The following CHEK1 variants were observed in gnomAD, a reference collection of about 807,000 sequenced individuals.
The protein encoded by CHEK1 is serine/threonine-protein kinase Chk1.
CHEK1 carries 32 observed loss-of-function variants against 60.2 expected under a neutral mutation model. The observed-to-expected ratio is 0.53, with a 90% CI of 0.40 to 0.71. CHEK1 has a LOEUF of 0.71. CHEK1 is among the 30% of genes least tolerant of loss of function. The pLI is 0.00. For synonymous variants in CHEK1, 179 were observed against 187.2 expected (o/e 0.96, Z 0.36); for missense variants, 399 against 564.6 (o/e 0.71, Z 2.97).
downstream of CHEK1, chr11:125,678,055 C>T (rs142757188): frequency 2.0e-4 from 327 of 1,614,154 alleles, no homozygotes; most frequent in African/African-American, 3.8e-3. Flanking sequence ...TCAGTCGCAG[C>T]GGGCTCACCT....
Position 125,629,446 on chromosome 11 carries a change from T to C in CHEK1, c.410T>C (p.Leu137Pro), listed in dbSNP as rs752519129. Residue 137 changes from leucine (L) to proline (P), a missense_variant, in exon 5 of 13, where the codon CTG (leucine) becomes CCG (proline). Coordinates refer to ENST00000438015, the MANE Select transcript of CHEK1 (RefSeq NM_001114122.3). Reference protein sequence around the residue: ...THRDIKPENLLLDERDNLKIS... With the variant: ...THRDIKPENLPLDERDNLKIS... ...AGGGATATTAAACCAGAAAATCTTC[T>C]GTTGGATGAAAGGGGTAAGTTTAGC... is the stretch of plus-strand genomic sequence containing the variant. 3 of 1,612,374 alleles carry C rather than the reference T, an allele frequency of 1.9e-6. No homozygotes were observed. Among genetic ancestry groups the C allele is most frequent in the East Asian group, 4.5e-5 (2 of 44,848 alleles).
At position 125,664,238 on chromosome 11, in the gene CHEK1, T is replaced by G. The variant is rs1360338169; in HGVS notation, c.*27+8891T>G. Among the ~76,000 whole-genome samples the G allele has an allele frequency of 2.0e-5, 3 of 150,738 alleles. 1 individual carries two copies. The highest frequency in any genetic ancestry group is 4.4e-5 in the Non-Finnish European group (3 of 67,646). ...TGATTAGCCATGTTGAACTATTTTTTTTTTTTTTTTTTGGAGACAGAGTCT... is the reference window on the plus strand; with the variant it reads ...TGATTAGCCATGTTGAACTATTTTTGTTTTTTTTTTTTGGAGACAGAGTCT... On this transcript the variant is annotated intron_variant, in intron 13 of 13. Coordinates refer to the CHEK1 transcript ENST00000428830.
At chr11:125,627,308 G>A (rs1221628579) in intron 2 of CHEK1, among the ~76,000 whole-genome samples, 1 of 152,208 alleles carries the variant, frequency 6.6e-6, no homozygotes, top group Non-Finnish European at 1.5e-5. Flanking sequence ...GCTCTTAAAA[G>A]TATATGAGTA....
At chr11:125,659,332 A>G (rs1941973559), downstream of CHEK1, among the ~76,000 whole-genome samples, 1 of 151,378 alleles carries the variant, frequency 6.6e-6, no homozygotes, top group African/African-American at 2.4e-5. Context: ...GGTTTACTCT[A>G]TGATTTTCTT....
downstream of CHEK1, among the ~76,000 whole-genome samples, chr11:125,658,751 A>G (rs1261534371): frequency 7.2e-6 from 1 of 138,992 alleles, no homozygotes; most frequent in Admixed American, 8.1e-5. Context: ...GTGCAGTGGC[A>G]CAATCACAGC....
At chr11:125,646,101 A>C (rs1941492698) in intron 11 of CHEK1, among the ~76,000 whole-genome samples, 1 of 152,136 alleles carries the variant, frequency 6.6e-6, no homozygotes, top group African/African-American at 2.4e-5. Flanking sequence ...ACGGGGAAAA[A>C]AAAACAAAAC....
chr11:125,668,905 A>C lies in CHEK1; in HGVS notation c.*28-7023A>C, dbSNP rs1010129449. 6.6e-5 allele frequency among the ~76,000 whole-genome samples: 10 copies of C among 152,196 alleles called. No individual in the cohort carries two copies. The East Asian group carries it at 1.9e-3, about 29-fold the overall frequency. ...AACTGTACCTTTCTGTATTTTTTAA[A>C]TTCTTTTTTCCAAGGATTATCATAT... On this transcript the variant is annotated intron_variant, in intron 13 of 13. Coordinates refer to the CHEK1 transcript ENST00000428830.
chr11:125,655,093 A>C, intron 12 of CHEK1, 132 bp from the exon 13 acceptor site: 1 of 647,728 alleles, frequency 1.5e-6, no homozygotes, highest in East Asian at 2.8e-5. Context: ...AAACAGACCG[A>C]AAAGAAAATG....
rs1468972039 is a variant in CHEK1, at chr11:125,626,008, G to A, written c.-25G>A. Reference sequence around the variant, plus strand: ...TTCCTGCAGTGGTGGGCAAAGGACAGTCCGGTGAGGAAGGGCGGCCGGTAG... The same window carrying A: ...TTCCTGCAGTGGTGGGCAAAGGACAATCCGGTGAGGAAGGGCGGCCGGTAG... On this transcript the variant is annotated 5_prime_UTR_variant, in exon 1 of 13. Coordinates refer to ENST00000438015, the MANE Select transcript of CHEK1 (RefSeq NM_001114122.3). 4 of 697,916 alleles carry A rather than the reference G, an allele frequency of 5.7e-6. No homozygotes were observed. In the African/African-American group the frequency reaches 7.0e-5, roughly 12 times the overall value. The allele number at this position is 697,916 out of a possible 1,614,324, so 43.2% of individuals were successfully genotyped here.
At chr11:125,665,684 A>G (rs188648357) in intron 13 of CHEK1, among the ~76,000 whole-genome samples, 3 of 151,900 alleles carry the variant, frequency 2.0e-5, no homozygotes, top group East Asian at 3.9e-4. Flanking sequence ...CAGGTTTTCT[A>G]TTTCTTTATG....
intron 9 of CHEK1, 71 bp from the exon 10 acceptor site, chr11:125,644,020 G>T: frequency 6.4e-7 from 1 of 1,553,030 alleles, no homozygotes. Flanking sequence ...GAGAACTTGT[G>T]TGTGATATAA....
intron 8 of CHEK1, among the ~76,000 whole-genome samples, chr11:125,640,744 A>G (rs1941271164): frequency 6.6e-6 from 1 of 151,872 alleles, no homozygotes; most frequent in African/African-American, 2.4e-5. Context: ...TAATTTTTGT[A>G]TTTTTGGTAG....
At position 125,644,138 on chromosome 11, in the gene CHEK1, G is replaced by T; in HGVS notation, c.971G>T (p.Gly324Val). 1.9e-6 allele frequency: 3 copies of T among 1,614,086 alleles called. No individual in the cohort carries two copies. The highest frequency in any genetic ancestry group is 2.5e-6 in the Non-Finnish European group (3 of 1,180,022). The change falls in exon 10 of 13, where the codon GGT becomes GTT. Residue 324 changes from glycine to valine, a missense_variant. This residue lies in a region of CHEK1 where 370 missense variants were observed against 494.8 expected (regional missense o/e 0.75). Coordinates refer to ENST00000438015, the MANE Select transcript of CHEK1 (RefSeq NM_001114122.3). The part of the protein sequence containing the change: ...YSSSQPEPRT[G>V]LSLWDTSPSY... ...AGTTCTCAGCCAGAACCCCGCACAG[G>T]TCTTTCCTTATGGGATACCAGCCCC...
chr11:125,643,450 G>A (rs1032419867), intron 8 of CHEK1: 22 of 165,824 alleles, frequency 1.3e-4, no homozygotes, highest in Non-Finnish European at 2.4e-4. Flanking sequence ...CCAAGATCGC[G>A]CCACTGCACT....
rs76045215 is a variant in CHEK1, at chr11:125,625,851, C to G, written c.-182C>G. 0.076 allele frequency: 53,601 copies of G among 702,562 alleles called. 3,088 individuals carry two copies. Among genetic ancestry groups the G allele is most frequent in the African/African-American group, 0.24 (13,908 of 57,362 alleles). The allele number at this position is 702,562 out of a possible 1,614,324, so 43.5% of individuals were successfully genotyped here. ...CGGGAGCGGCAACATCTCCACGTCA[C>G]CCTTTTGGAGCCGCCGACATTCAGA... On this transcript the variant is annotated 5_prime_UTR_variant, in exon 1 of 13. Transcript: ENST00000438015.
intron 6 of CHEK1, among the ~76,000 whole-genome samples, chr11:125,634,680 C>T (rs1373598155): frequency 6.6e-6 from 1 of 152,074 alleles, no homozygotes; most frequent in Non-Finnish European, 1.5e-5. Flanking sequence ...TTAATAAGAG[C>T]ACTAATACCA....
intron 1 of CHEK1, 168 bp downstream of exon 1, chr11:125,626,180 G>C (rs1188179755): frequency 3.8e-5 from 23 of 597,422 alleles, no homozygotes; most frequent in Middle Eastern, 4.1e-4. Flanking sequence ...GGTACCAGGA[G>C]GTTCCCGTTG....
In CHEK1 at chr11:125,655,614, A is replaced by G. The variant is rs1401362524; in HGVS notation, c.*294A>G. ...ACTCATCTGGTGGAAACCAAGTTTC[A>G]GGGGACATGAGTTTTCCAGCTTTTA... On this transcript the variant is annotated 3_prime_UTR_variant, in exon 13 of 13. Coordinates refer to ENST00000438015, the MANE Select transcript of CHEK1 (RefSeq NM_001114122.3). 4.5e-5 allele frequency: 12 copies of G among 268,082 alleles called. No homozygotes were observed. Among genetic ancestry groups the G allele is most frequent in the Middle Eastern group, 1.1e-3 (1 of 938 alleles). The allele number at this position is 268,082 out of a possible 1,614,324, so 16.6% of individuals were successfully genotyped here.
chr11:125,651,148 G>C (rs951164908), intron 11 of CHEK1, among the ~76,000 whole-genome samples: 29 of 152,034 alleles, frequency 1.9e-4, no homozygotes, highest in African/African-American at 7.0e-4. Context: ...TGGGTAGTCT[G>C]TTTGCACCAG....
Sources: gnomAD v4.1 joint callset for allele counts (sites outside exome capture counted in the v4.1 genomes callset) on GRCh38, gnomAD v4.1.1 for gene constraint, gnomAD v4.1.1 regional missense constraint, MANE v1.5 for transcripts, NCBI Gene and HGNC (gene_info 2026-07-23, HGNC 2026-07-21) for gene names.